The following SPIDR variants were observed in gnomAD, a reference collection of about 807,000 sequenced individuals.
SPIDR encodes scaffold protein involved in DNA repair, also known as DNA repair-scaffolding protein.
A neutral mutation model predicts 104.6 loss-of-function variants in SPIDR; 93 were observed. That is an observed-to-expected ratio of 0.89 (90% CI 0.75 to 1.06). The LOEUF is 1.06. SPIDR is among the 50% of genes least tolerant of loss of function. SPIDR has a pLI of 0.00. For synonymous variants in SPIDR, 431 were observed against 416.9 expected, an observed-to-expected ratio of 1.03 and a Z score of -0.41; for missense variants, 1,154 against 1,111.2, an observed-to-expected ratio of 1.04 and a Z score of -0.55.
intron 17 of SPIDR, 135 bp downstream of exon 17, chr8:47,727,428 A>G (rs1324319438): frequency 1.3e-6 from 1 of 742,028 alleles, no homozygotes; most frequent in African/African-American, 1.8e-5. Flanking sequence ...TCTGCTGAGC[A>G]GCAAGGGAAG....
rs191790132 is a variant in SPIDR at position 47,328,149 on chromosome 8, C to T, written c.525+34119C>T. On this transcript the variant is annotated intron_variant, in intron 5 of 19. Coordinates refer to ENST00000297423, the MANE Select transcript of SPIDR (RefSeq NM_001080394.4). ...ATCTAAGAAACAATTGCCAAATCCA[C>T]GATCATGAAGATCTATTATCTATGT... Among the ~76,000 whole-genome samples the T allele has an allele frequency of 5.3e-4, 81 of 152,058 alleles. 1 individual carries two copies. The South Asian group carries it at 7.5e-3, about 14-fold the overall frequency.
chr8:47,586,501 T>G (rs1022407343), intron 8 of SPIDR, among the ~76,000 whole-genome samples: 1 of 152,242 alleles, frequency 6.6e-6, no homozygotes, highest in African/African-American at 2.4e-5. Flanking sequence ...AGAACATCTT[T>G]CCTTGTGCTA....
intron 5 of SPIDR, among the ~76,000 whole-genome samples, chr8:47,351,324 TTGA>T (rs1394045495): frequency 1.3e-5 from 2 of 152,140 alleles, no homozygotes; most frequent in African/African-American, 4.8e-5. Context: ...CCTCTCAGAA[TTGA>T]TTATTATTTT....
chr8:47,705,704 G>C (rs182191165), intron 14 of SPIDR, among the ~76,000 whole-genome samples: 1 of 152,224 alleles, frequency 6.6e-6, no homozygotes, highest in Non-Finnish European at 1.5e-5. Context: ...AGGAGTTCCA[G>C]ACCAACCTGG....
At chr8:47,358,976 G>A (rs181927649) in intron 5 of SPIDR, among the ~76,000 whole-genome samples, 3 of 152,016 alleles carry the variant, frequency 2.0e-5, no homozygotes, top group Admixed American at 2.0e-4. Context: ...TAACATTTTT[G>A]TACAGTTTGT....
At chr8:47,535,158 C>A (rs1031018905) in intron 8 of SPIDR, among the ~76,000 whole-genome samples, 70 of 152,100 alleles carry the variant, frequency 4.6e-4, no homozygotes, top group African/African-American at 1.6e-3. Flanking sequence ...CCTTTCCAAG[C>A]AGAAAGCACT....
chr8:47,368,126 G>T (rs1430974266), intron 5 of SPIDR, among the ~76,000 whole-genome samples: 2 of 151,942 alleles, frequency 1.3e-5, no homozygotes, highest in African/African-American at 4.8e-5. Context: ...TCACATGGTG[G>T]AAGGGACAAG....
At chr8:47,506,241 A>C (rs1174815277) in intron 8 of SPIDR, among the ~76,000 whole-genome samples, 1 of 152,202 alleles carries the variant, frequency 6.6e-6, no homozygotes. Flanking sequence ...AAATGCTGCT[A>C]TTTCAGCTGC....
chr8:47,431,033 A>G (rs1399139976), intron 7 of SPIDR, among the ~76,000 whole-genome samples: 4 of 152,174 alleles, frequency 2.6e-5, no homozygotes, highest in African/African-American at 7.2e-5. Context: ...TGCCATCACA[A>G]AATCCCACAG....
At chr8:47,283,975 G>GTT in intron 2 of SPIDR, 53 bp from the exon 3 acceptor site, 8 of 1,355,998 alleles carry the variant, frequency 5.9e-6, no homozygotes, top group East Asian at 2.3e-5. Context: ...TTTTATAAAA[G>GTT]TTTTTTTTTA....
At position 47,423,270 on chromosome 8, in the gene SPIDR, C is replaced by T. The variant is rs751625196; in HGVS notation, c.877+15309C>T. Among the ~76,000 whole-genome samples, 20 of 147,852 alleles carry T rather than the reference C, an allele frequency of 1.4e-4. 1 individual carries two copies. The highest frequency in any genetic ancestry group is 2.8e-4 in the Non-Finnish European group (19 of 67,518). ...CGAGATTACGCCACCACACTCCAGA[C>T]TAGGTAACAGAGCGAGACTCTGTCT... On this transcript the variant is annotated intron_variant, in intron 7 of 19. Transcript: ENST00000297423.
chr8:47,302,241 T>C (rs1554577862), intron 5 of SPIDR, among the ~76,000 whole-genome samples: 1 of 152,096 alleles, frequency 6.6e-6, no homozygotes, highest in Non-Finnish European at 1.5e-5. Flanking sequence ...TCGAATCGGC[T>C]ACTGAGGCTT....
intron 16 of SPIDR, among the ~76,000 whole-genome samples, chr8:47,718,309 T>G (rs1299321982): frequency 6.6e-6 from 1 of 152,218 alleles, no homozygotes; most frequent in East Asian, 1.9e-4. Context: ...GAAGCAAGAT[T>G]TCTAAACAGG....
chr8:47,496,810 A>ATGTTTGTTTGTTTGTTTGTT (rs56406549), intron 8 of SPIDR, among the ~76,000 whole-genome samples: 1 of 145,948 alleles, frequency 6.9e-6, no homozygotes, highest in East Asian at 2.0e-4. Flanking sequence ...ATCTGGGCCT[A>ATGTTTGTTTGTTTGTTTGTT]TGTTTGTTTG....
At chr8:47,337,180 T>C (rs2049925395) in intron 5 of SPIDR, among the ~76,000 whole-genome samples, 1 of 152,104 alleles carries the variant, frequency 6.6e-6, no homozygotes. Flanking sequence ...CAGGCTGGAG[T>C]GCAGGGGTCT....
chr8:47,469,624 G>A (rs1235731211), intron 8 of SPIDR, among the ~76,000 whole-genome samples: 2 of 152,072 alleles, frequency 1.3e-5, no homozygotes, highest in Non-Finnish European at 2.9e-5. Flanking sequence ...GTGTGAACAG[G>A]AAACCAAATA....
intron 8 of SPIDR, among the ~76,000 whole-genome samples, chr8:47,545,929 T>C (rs1587521275): frequency 6.6e-6 from 1 of 152,312 alleles, no homozygotes; most frequent in African/African-American, 2.4e-5. Flanking sequence ...GTAGATTACA[T>C]AGATTGATTT....
At chr8:47,633,213 C>G (rs574388176) in intron 10 of SPIDR, among the ~76,000 whole-genome samples, 5 of 152,238 alleles carry the variant, frequency 3.3e-5, no homozygotes, top group African/African-American at 1.2e-4. Flanking sequence ...TGATAAGTGT[C>G]TGTAATCAGG....
intron 10 of SPIDR, among the ~76,000 whole-genome samples, chr8:47,671,220 T>G (rs1225663708): frequency 6.6e-6 from 1 of 152,074 alleles, no homozygotes; most frequent in Non-Finnish European, 1.5e-5. Context: ...TAGAAATCAT[T>G]TTAGTAATTA....
Sources: allele counts gnomAD v4.1 joint callset (sites outside exome capture counted in the v4.1 genomes callset), GRCh38; gene constraint gnomAD v4.1.1; transcripts MANE v1.5; gene names NCBI Gene and HGNC (gene_info 2026-07-23, HGNC 2026-07-21).